The following BMPR1A variants were observed in gnomAD, a reference collection of about 807,000 sequenced individuals.
The protein encoded by BMPR1A is bone morphogenetic protein receptor type 1A, also known as bone morphogenetic protein receptor type-1A.
In BMPR1A, 7 loss-of-function variants were observed where a neutral mutation model predicts 66.0. That is an observed-to-expected ratio of 0.11 (90% CI 0.06 to 0.20). The LOEUF is 0.20. Ranked by LOEUF, BMPR1A falls within the 10% of genes least tolerant of loss-of-function variation. The pLI, the probability that BMPR1A is intolerant of heterozygous loss-of-function variation, is 1.00. For missense variants in BMPR1A, 408 were observed against 669.1 expected (o/e 0.61, Z 4.31); for synonymous variants, 200 against 229.7 (o/e 0.87, Z 1.17).
chr10:86,821,206 C>T (rs1475979206), intron 1 of BMPR1A, among the ~76,000 whole-genome samples: 2 of 152,182 alleles, frequency 1.3e-5, no homozygotes, highest in African/African-American at 4.8e-5. Flanking sequence ...GCTTCAGTTA[C>T]TGCTGCAGTG....
At chr10:86,859,829 A>G (rs891135022) in intron 2 of BMPR1A, among the ~76,000 whole-genome samples, 4 of 152,044 alleles carry the variant, frequency 2.6e-5, no homozygotes, top group African/African-American at 9.7e-5. Context: ...AAGAACTTGC[A>G]TATAAATTGA....
intron 7 of BMPR1A, among the ~76,000 whole-genome samples, chr10:86,910,652 A>G (rs762424451): frequency 5.3e-5 from 8 of 152,202 alleles, no homozygotes; most frequent in Non-Finnish European, 1.2e-4. Context: ...TTTGGATTTT[A>G]AACTATTTGA....
chr10:86,797,262 G>T (rs1292654042), intron 1 of BMPR1A, among the ~76,000 whole-genome samples: 6 of 131,870 alleles, frequency 4.5e-5, no homozygotes, highest in South Asian at 2.4e-4. Flanking sequence ...ACGGAGTCTT[G>T]CTCTGTTGTC....
intron 1 of BMPR1A, among the ~76,000 whole-genome samples, chr10:86,762,127 G>A (rs1272778440): frequency 6.6e-6 from 1 of 152,208 alleles, no homozygotes; most frequent in Non-Finnish European, 1.5e-5. Flanking sequence ...TAACCCCCAT[G>A]ATATTGAAAG....
intron 2 of BMPR1A, among the ~76,000 whole-genome samples, chr10:86,860,052 T>C (rs1300167861): frequency 6.6e-6 from 1 of 152,084 alleles, no homozygotes; most frequent in Non-Finnish European, 1.5e-5. Context: ...CATGCACCTG[T>C]AGTTGGGACT....
chr10:86,800,641 C>G (rs1012005967), intron 1 of BMPR1A, among the ~76,000 whole-genome samples: 7 of 152,216 alleles, frequency 4.6e-5, no homozygotes, highest in Non-Finnish European at 1.0e-4. Flanking sequence ...GATCCACCCG[C>G]CTCGGCCTCC....
At chr10:86,794,779 G>A (rs532464038) in intron 1 of BMPR1A, among the ~76,000 whole-genome samples, 1 of 151,092 alleles carries the variant, frequency 6.6e-6, no homozygotes, top group African/African-American at 2.4e-5. Context: ...TCTGTGATTC[G>A]TATAGTCACT....
intron 2 of BMPR1A, among the ~76,000 whole-genome samples, chr10:86,845,416 T>G (rs1842470169): frequency 6.6e-6 from 1 of 152,190 alleles, no homozygotes; most frequent in African/African-American, 2.4e-5. Flanking sequence ...TCCGTGAGCT[T>G]TAACTCCGGC....
intron 2 of BMPR1A, among the ~76,000 whole-genome samples, chr10:86,847,902 A>AT (rs1842509177): frequency 1.3e-5 from 2 of 148,206 alleles, no homozygotes; most frequent in South Asian, 2.2e-4. Flanking sequence ...TGTTGAGTTA[A>AT]TTTTTGTATT....
At position 86,923,540 on chromosome 10, in the gene BMPR1A, C is replaced by T. The variant is rs377081114; in HGVS notation, c.1473+34C>T. ...AACTCAGTCCCCTGAAGAAGTGATT[C>T]GTAAATGCCACCAAATATATTCTCT... On this transcript the variant is annotated intron_variant, in intron 12 of 12. Coordinates refer to ENST00000372037, the MANE Select transcript of BMPR1A (RefSeq NM_004329.3). 1.3e-4 allele frequency: 207 copies of T among 1,614,170 alleles called. No individual in the cohort carries two copies. The South Asian group carries it at 1.4e-3, about 11-fold the overall frequency.
chr10:86,843,049 A>C (rs1449730559), intron 2 of BMPR1A, among the ~76,000 whole-genome samples: 1 of 152,206 alleles, frequency 6.6e-6, no homozygotes, highest in Non-Finnish European at 1.5e-5. Flanking sequence ...AAAACTAGAG[A>C]GACAAGTTAG....
intron 1 of BMPR1A, among the ~76,000 whole-genome samples, chr10:86,810,859 T>C (rs1841960180): frequency 6.6e-6 from 1 of 152,170 alleles, no homozygotes; most frequent in Non-Finnish European, 1.5e-5. Context: ...TTCCTTGAGT[T>C]GTCTTTTCAC....
chr10:86,816,693 G>A (rs764352039), intron 1 of BMPR1A, among the ~76,000 whole-genome samples: 5 of 152,146 alleles, frequency 3.3e-5, no homozygotes, highest in East Asian at 3.8e-4. Flanking sequence ...CTAAGAAATC[G>A]AATGGCTTCA....
chr10:86,766,972 C>T (rs547106498), intron 1 of BMPR1A, among the ~76,000 whole-genome samples: 8 of 152,070 alleles, frequency 5.3e-5, no homozygotes, highest in South Asian at 2.1e-4. Context: ...AACAGGTGCA[C>T]GTCACCATGT....
chr10:86,774,070 C>CAT (rs1035541927), intron 1 of BMPR1A, among the ~76,000 whole-genome samples: 4 of 152,032 alleles, frequency 2.6e-5, no homozygotes, highest in Non-Finnish European at 4.4e-5. Context: ...AGGCTGGTCT[C>CAT]AAACTCCTGA....
chr10:86,912,492 T>A (rs1365488821), intron 8 of BMPR1A, 108 bp downstream of exon 8: 5 of 1,381,132 alleles, frequency 3.6e-6, no homozygotes, highest in Non-Finnish European at 4.1e-6. Context: ...ATGGACACAT[T>A]TTTTTCTCCT....
intron 2 of BMPR1A, among the ~76,000 whole-genome samples, chr10:86,861,497 C>T (rs1351605112): frequency 6.6e-6 from 1 of 152,220 alleles, no homozygotes; most frequent in Non-Finnish European, 1.5e-5. Context: ...TGTTTATGTA[C>T]TGAAAGATTG....
Position 86,892,172 on chromosome 10 carries a change from A to G in BMPR1A, c.276A>G (p.Gly92=), listed in dbSNP as rs1564715466. ...CFAIIEEDDQ[G]ETTLASGCMK... ...CCATCATAGAAGAAGATGACCAGGG[A>G]GAAACCACATTAGCTTCAGGGTGTA... Residue 92 remains glycine (G), a synonymous_variant, in exon 5 of 13, where the codon GGA becomes GGG. Transcript: ENST00000372037. The G allele has an allele frequency of 6.2e-7, 1 of 1,614,074 alleles. No individual in the cohort carries two copies. Among genetic ancestry groups the G allele is most frequent in the Non-Finnish European group, 8.5e-7 (1 of 1,179,920 alleles).
At chr10:86,874,158 G>T (rs922591909) in intron 2 of BMPR1A, among the ~76,000 whole-genome samples, 3 of 152,040 alleles carry the variant, frequency 2.0e-5, no homozygotes, top group Non-Finnish European at 2.9e-5. Flanking sequence ...ATGGGATGGG[G>T]GTAAAGTAGA....
Sources: gnomAD v4.1 joint callset for allele counts (sites outside exome capture counted in the v4.1 genomes callset) on GRCh38, gnomAD v4.1.1 for gene constraint, MANE v1.5 for transcripts, NCBI Gene and HGNC (gene_info 2026-07-23, HGNC 2026-07-21) for gene names.